Variants in FRMD3 observed in about 807,000 individuals in gnomAD.
FRMD3 encodes the protein FERM domain-containing protein 3.
A neutral mutation model predicts 70.2 loss-of-function variants in FRMD3; 33 were observed. The observed-to-expected ratio is 0.47, with a 90% CI of 0.36 to 0.63. FRMD3 has a LOEUF of 0.63. Among genes scored for constraint, FRMD3 ranks in the 20% least tolerant of loss-of-function variants. The pLI, the probability that FRMD3 is intolerant of heterozygous loss-of-function variation, is 0.00. For missense variants in FRMD3, 632 were observed against 711.4 expected, an observed-to-expected ratio of 0.89 and a Z score of 1.27; for synonymous variants, 279 against 255.9, an observed-to-expected ratio of 1.09 and a Z score of -0.86.
At chr9:83,516,442 T>C (rs7023693) in intron 1 of FRMD3, among the ~76,000 whole-genome samples, 113,224 of 152,024 alleles carry the variant, frequency 0.74, 42,744 homozygotes, top group African/African-American at 0.88. Context: ...TATATATGCA[T>C]CCAATACAGG....
At chr9:83,298,607 A>G in intron 12 of FRMD3, 141 bp downstream of exon 12, 1 of 666,714 alleles carries the variant, frequency 1.5e-6, no homozygotes, top group Non-Finnish European at 2.6e-6. Context: ...TGGCCCAGGC[A>G]AATCTGTCTG....
At chr9:83,312,790 A>G (rs1317705651) in intron 7 of FRMD3, among the ~76,000 whole-genome samples, 1 of 150,074 alleles carries the variant, frequency 6.7e-6, no homozygotes, top group Non-Finnish European at 1.5e-5. Flanking sequence ...TCCCCAGCAG[A>G]TCCTGACGTA....
At chr9:83,301,423 T>C (rs1030112970) in intron 10 of FRMD3, among the ~76,000 whole-genome samples, 4 of 151,940 alleles carry the variant, frequency 2.6e-5, no homozygotes, top group Non-Finnish European at 5.9e-5. Flanking sequence ...TCCTCAAAGA[T>C]TGGGAGAAGA....
Position 83,447,620 on chromosome 9 carries a change from G to A in FRMD3, c.148-57912C>T, listed in dbSNP as rs1207087734. ...ACCCGGCCACCGATGACAGCCTGAA[G>A]CACAGGAGGTCAAGGGTCAGCCCAG... On this transcript the variant is annotated intron_variant, in intron 1 of 13. Coordinates refer to ENST00000304195, the MANE Select transcript of FRMD3 (RefSeq NM_174938.6). 2.6e-5 allele frequency among the ~76,000 whole-genome samples: 4 copies of A among 152,222 alleles called. No individual in the cohort carries two copies. The East Asian group carries it at 5.8e-4, about 22-fold the overall frequency.
Position 83,298,768 on chromosome 9 carries a change from C to T in FRMD3, c.1050G>A (p.Arg350=). ...EVVEASSKIQ[R]EPPEVHRANI... is the part of the protein sequence containing the mutation. ...CTCACCTGTGCACCTCAGGAGGCTC[C>T]CTCTGGATCTTGGAACTGGCCTCCA... Residue 350 remains arginine (R), a synonymous_variant, in exon 12 of 14, where the codon AGG becomes AGA. Transcript: ENST00000304195. 5 of 1,614,206 alleles carry T rather than the reference C, an allele frequency of 3.1e-6. No homozygotes were observed. The South Asian group carries it at 4.4e-5, about 14-fold the overall frequency.
At chr9:83,399,960 A>G (rs1294228250) in intron 1 of FRMD3, among the ~76,000 whole-genome samples, 1 of 152,168 alleles carries the variant, frequency 6.6e-6, no homozygotes, top group East Asian at 1.9e-4. Flanking sequence ...TTTCAACACC[A>G]TACTGGAAGT....
chr9:83,507,687 CATACATATATATATAT>C (rs58561896), intron 1 of FRMD3, among the ~76,000 whole-genome samples: 1,033 of 46,926 alleles, frequency 0.022, 101 homozygotes, highest in African/African-American at 0.025. Context: ...AAAAAATATA[CATACATATATATATAT>C]ATATATATAT....
intron 6 of FRMD3, among the ~76,000 whole-genome samples, chr9:83,314,676 C>T (rs754727590): frequency 3.3e-5 from 5 of 152,108 alleles, no homozygotes; most frequent in Non-Finnish European, 7.4e-5. Context: ...ACCTTTAGTG[C>T]ACTGGAGTTA....
intron 7 of FRMD3, 95 bp from the exon 8 acceptor site, chr9:83,312,070 T>A: frequency 1.1e-6 from 1 of 924,890 alleles, no homozygotes; most frequent in Non-Finnish European, 1.6e-6. Context: ...TCACCCTAGG[T>A]TAATTTTAGA....
intron 1 of FRMD3, among the ~76,000 whole-genome samples, chr9:83,533,608 A>G (rs1829832548): frequency 6.6e-6 from 1 of 152,232 alleles, no homozygotes; most frequent in African/African-American, 2.4e-5. Flanking sequence ...GTTAGACTAA[A>G]TATTGGGAAG....
intron 1 of FRMD3, among the ~76,000 whole-genome samples, chr9:83,421,918 C>T (rs1397503751): frequency 6.6e-6 from 1 of 152,062 alleles, no homozygotes; most frequent in Non-Finnish European, 1.5e-5. Flanking sequence ...AACATACACA[C>T]AAAACTGCTG....
chr9:83,341,828 A>G (rs893077987), intron 5 of FRMD3, among the ~76,000 whole-genome samples: 2 of 152,156 alleles, frequency 1.3e-5, no homozygotes, highest in Non-Finnish European at 2.9e-5. Flanking sequence ...GAGACCAAAC[A>G]CAACTGAGAA....
the FRMD3 span, among the ~76,000 whole-genome samples, chr9:83,543,721 T>C: frequency 6.6e-6 from 1 of 152,176 alleles, no homozygotes; most frequent in South Asian, 2.1e-4. Context: ...GGAACACCTG[T>C]TAGGACAAAA....
chr9:83,349,773 G>T lies in FRMD3; in HGVS notation c.296-16C>A. On this transcript the variant is annotated splice_polypyrimidine_tract_variant and intron_variant, in intron 3 of 13. Transcript: ENST00000304195. The stretch of plus-strand genomic sequence containing the variant: ...GGTGGATGAGCTGAAACATCATAAA[G>T]AAAAGGCATGAGAAAAGCAGCAAAA... The T allele has an allele frequency of 6.3e-7, 1 of 1,589,068 alleles. No homozygotes were observed. The highest frequency in any genetic ancestry group is 2.2e-5 in the East Asian group (1 of 44,706).
At chr9:83,584,106 C>A in the FRMD3 span, among the ~76,000 whole-genome samples, 1 of 152,022 alleles carries the variant, frequency 6.6e-6, no homozygotes, top group African/African-American at 2.4e-5. Flanking sequence ...AAGGCCAAGG[C>A]GGGTGGATCA....
At position 83,298,813 on chromosome 9, in the gene FRMD3, C is replaced by T. The variant is rs372995347; in HGVS notation, c.1005G>A (p.Gly335=). 5.6e-6 allele frequency: 9 copies of T among 1,614,112 alleles called. No individual in the cohort carries two copies. The South Asian group carries it at 8.8e-5, about 16-fold the overall frequency. The change falls in exon 12 of 14, where the codon GGG becomes GGA. Residue 335 remains glycine (G), a synonymous_variant. Transcript: ENST00000304195. ...CCTCCACCACCTCTTTGGCAACTTT[C>T]CCACTGCAAAAGACAGAAACACATG... ...FFKGSRFRYS[G]KVAKEVVEAS... is the part of the protein sequence containing the mutation.
intron 1 of FRMD3, among the ~76,000 whole-genome samples, chr9:83,418,756 C>T (rs1826530683): frequency 6.6e-6 from 1 of 152,106 alleles, no homozygotes; most frequent in East Asian, 1.9e-4. Flanking sequence ...AACTAACATT[C>T]GATCCAGCAA....
intron 1 of FRMD3, among the ~76,000 whole-genome samples, chr9:83,412,943 C>T (rs549003965): frequency 3.6e-4 from 54 of 151,246 alleles, no homozygotes; most frequent in African/African-American, 1.3e-3. Flanking sequence ...TGCAGTGAGC[C>T]GAGATCATGC....
the FRMD3 span, among the ~76,000 whole-genome samples, chr9:83,571,111 T>C: frequency 1.3e-5 from 2 of 152,208 alleles, no homozygotes; most frequent in African/African-American, 4.8e-5. Flanking sequence ...TGTTCTCCCA[T>C]GGAGGTGAGC....
Sources: gnomAD v4.1 joint callset for allele counts (sites outside exome capture counted in the v4.1 genomes callset) on GRCh38, gnomAD v4.1.1 for gene constraint, MANE v1.5 for transcripts, NCBI Gene and HGNC (gene_info 2026-07-23, HGNC 2026-07-21) for gene names.